Variants in KLHL12 observed in about 807,000 individuals in gnomAD.
KLHL12 encodes kelch-like protein 12.
A neutral mutation model predicts 60.8 loss-of-function variants in KLHL12; 17 were observed. The ratio of observed to expected loss-of-function variants is 0.28; its 90% CI spans 0.19 to 0.42. KLHL12 has a LOEUF of 0.42. Ranked by LOEUF, KLHL12 falls within the 10% of genes least tolerant of loss-of-function variation. KLHL12 has a pLI of 1.00. For synonymous variants in KLHL12, 220 were observed against 250.9 expected (o/e 0.88, Z 1.16); for missense variants, 468 against 722.3 (o/e 0.65, Z 4.04).
At chr1:202,908,257 G>C (rs1399401120) in intron 6 of KLHL12, among the ~76,000 whole-genome samples, 1 of 152,124 alleles carries the variant, frequency 6.6e-6, no homozygotes, top group Non-Finnish European at 1.5e-5. Context: ...TCTCATCTTA[G>C]TGGTAGACAT....
intron 4 of KLHL12, 23 bp from the exon 5 acceptor site, chr1:202,911,226 C>T (rs752775817): frequency 5.9e-5 from 95 of 1,611,262 alleles, no homozygotes; most frequent in Non-Finnish European, 7.2e-5. Context: ...AATTACACAC[C>T]GTGGATCCTA....
chr1:202,898,884 G>A lies in KLHL12; in HGVS notation c.833-1924C>T, dbSNP rs544726140. Among the ~76,000 whole-genome samples, 3 of 151,286 alleles carry A rather than the reference G, an allele frequency of 2.0e-5. No homozygotes were observed. In the Admixed American group the frequency reaches 2.0e-4, roughly 10 times the overall value. ...TATGGAAAAAAAATTACACAAACAC[G>A]TGAGAATAAGGAATTGTGTGATTTT... On this transcript the variant is annotated intron_variant, in intron 6 of 11. Coordinates refer to ENST00000367261, the MANE Select transcript of KLHL12 (RefSeq NM_021633.4).
At chr1:202,920,496 C>T (rs58279012) in intron 2 of KLHL12, among the ~76,000 whole-genome samples, 1,675 of 147,196 alleles carry the variant, frequency 0.011, 25 homozygotes, top group African/African-American at 0.039. Context: ...CCTGGCTCAG[C>T]CTCCCGAGTA....
intron 6 of KLHL12, among the ~76,000 whole-genome samples, chr1:202,898,453 A>C (rs931634775): frequency 6.6e-6 from 1 of 152,252 alleles, no homozygotes; most frequent in Non-Finnish European, 1.5e-5. Flanking sequence ...TTGCTGGGCT[A>C]GAATCATTAT....
chr1:202,905,044 G>A (rs1475461368), intron 6 of KLHL12, among the ~76,000 whole-genome samples: 2 of 152,138 alleles, frequency 1.3e-5, no homozygotes, highest in Admixed American at 1.3e-4. Context: ...AGGACATGAT[G>A]GTAAGAACAA....
chr1:202,918,847 T>C lies in KLHL12; in HGVS notation c.350-459A>G, dbSNP rs111266690. On this transcript the variant is annotated intron_variant, in intron 3 of 11. Transcript: ENST00000367261. ...AAAAGTTCAGAGTATTTTAATGTTA[T>C]GGCTATGCACTAATGCAAAAGCTTC... Among the ~76,000 whole-genome samples the C allele has an allele frequency of 4.7e-3, 722 of 152,378 alleles. 2 individuals carry two copies. The highest frequency in any genetic ancestry group is 0.034 in the Middle Eastern group (10 of 294).
chr1:202,893,026 T>C lies in KLHL12; in HGVS notation c.1580+213A>G, dbSNP rs1209927638. On this transcript the variant is annotated intron_variant, in intron 11 of 11. Transcript: ENST00000367261. The surrounding 1 kb of genome is among the most constrained non-coding windows in gnomAD (Gnocchi z 4.1). ...CTAGTCTGGCACAGTGGCGTGCACC[T>C]GTGGTCCCAGCTACTCTACTCAGAC... is the stretch of plus-strand genomic sequence containing the variant. Among the ~76,000 whole-genome samples the C allele has an allele frequency of 1.3e-5, 2 of 151,982 alleles. No individual in the cohort carries two copies. Among genetic ancestry groups the C allele is most frequent in the Non-Finnish European group, 2.9e-5 (2 of 68,008 alleles).
At chr1:202,927,874 C>T (rs1434260528), upstream of KLHL12, among the ~76,000 whole-genome samples, 1 of 151,252 alleles carries the variant, frequency 6.6e-6, no homozygotes, top group Non-Finnish European at 1.5e-5. Flanking sequence ...CCCAACTACT[C>T]AGGAGGCTAA....
rs891106434 is a variant in KLHL12, at chr1:202,912,009, G to A, written c.568-806C>T. 6.3e-6 allele frequency: 5 copies of A among 790,296 alleles called. No homozygotes were observed. In the African/African-American group the frequency reaches 8.4e-5, roughly 13 times the overall value. 49.0% of individuals were successfully genotyped at this position (790,296 alleles called of 1,614,324 possible). A position where few individuals can be genotyped will look rare whatever the true frequency, so the allele number is the denominator to read the frequency against. ...TTGGGTTTGTCACATATGCCATTGT[G>A]GAGGAGGTGGATGCAGCCATGAATG... On this transcript the variant is annotated intron_variant, in intron 4 of 11. Coordinates refer to ENST00000367261, the MANE Select transcript of KLHL12 (RefSeq NM_021633.4).
At chr1:202,898,993 C>T (rs1210378294) in intron 6 of KLHL12, among the ~76,000 whole-genome samples, 1 of 151,230 alleles carries the variant, frequency 6.6e-6, no homozygotes, top group East Asian at 1.9e-4. Context: ...GACACATAGG[C>T]ATGGAATAAT....
At chr1:202,916,257 C>T (rs545796021) in intron 4 of KLHL12, among the ~76,000 whole-genome samples, 1 of 152,346 alleles carries the variant, frequency 6.6e-6, no homozygotes, top group East Asian at 1.9e-4. Context: ...AAAATAATTC[C>T]TCTACAGTTG....
chr1:202,899,777 T>A (rs1334644905), intron 6 of KLHL12, among the ~76,000 whole-genome samples: 1 of 150,662 alleles, frequency 6.6e-6, no homozygotes, highest in East Asian at 2.0e-4. Context: ...GAGCCGAGAT[T>A]GCACCACTGC....
At chr1:202,925,437 C>T (rs1330869021) in intron 1 of KLHL12, among the ~76,000 whole-genome samples, 1 of 152,178 alleles carries the variant, frequency 6.6e-6, no homozygotes, top group Non-Finnish European at 1.5e-5. Flanking sequence ...GTCCCTACCA[C>T]TTGACATTTA....
At chr1:202,928,305 G>A (rs1685815638), upstream of KLHL12, among the ~76,000 whole-genome samples, 1 of 151,238 alleles carries the variant, frequency 6.6e-6, no homozygotes, top group Admixed American at 6.6e-5. Context: ...AGAAAAAAAA[G>A]AAAAAACAAA....
chr1:202,898,777 C>T (rs1025084201), intron 6 of KLHL12, among the ~76,000 whole-genome samples: 3 of 151,874 alleles, frequency 2.0e-5, no homozygotes, highest in Admixed American at 6.6e-5. Context: ...TGAAAAGAGA[C>T]ATGAAATCAC....
Position 202,918,258 on chromosome 1 carries a change from C to G in KLHL12, c.480G>C (p.Lys160Asn). 3 of 1,614,178 alleles carry G rather than the reference C, an allele frequency of 1.9e-6. No homozygotes were observed. Among genetic ancestry groups the G allele is most frequent in the Non-Finnish European group, 2.5e-6 (3 of 1,180,026 alleles). Residue 160 changes from lysine to asparagine, a missense_variant, in exon 4 of 12, where the codon AAG (lysine) becomes AAC (asparagine). Lys to Asn is a moderately conservative substitution (Grantham distance 94, BLOSUM62 0). This residue lies in a region of KLHL12 where 339 missense variants were observed against 525.0 expected (regional missense o/e 0.65). Coordinates refer to ENST00000367261, the MANE Select transcript of KLHL12 (RefSeq NM_021633.4). Reference protein sequence around the residue: ...LMQAAEVFSQKHFPEVVQHEE... With the variant: ...LMQAAEVFSQNHFPEVVQHEE... ...CATGCTGTACCACTTCAGGAAAATG[C>G]TTCTGGCTAAAAACCTCAGCTGCTT...
rs771481964 is a variant in KLHL12 at position 202,909,161 on chromosome 1, A to T, written c.718-37T>A. The T allele has an allele frequency of 6.5e-6, 8 of 1,239,164 alleles. No individual in the cohort carries two copies. In the African/African-American group the frequency reaches 8.9e-5, roughly 14 times the overall value. The allele number at this position is 1,239,164 out of a possible 1,614,324, so 76.8% of individuals were successfully genotyped here. On this transcript the variant is annotated intron_variant, in intron 5 of 11. Coordinates refer to ENST00000367261, the MANE Select transcript of KLHL12 (RefSeq NM_021633.4). This position sits in a 1 kb window ranked among gnomAD's most constrained non-coding sequence, Gnocchi z 4.1. ...CAGACAGCAGAGTTAGGCACTGGGG[A>T]TACCTGTAATACTATAAGAGTACAA...
intron 6 of KLHL12, among the ~76,000 whole-genome samples, chr1:202,897,444 G>A (rs571749639): frequency 2.0e-5 from 3 of 151,726 alleles, no homozygotes; most frequent in African/African-American, 7.2e-5. Flanking sequence ...GGCTGGTCCC[G>A]AACTCCCAAC....
At chr1:202,903,553 C>T (rs147604185) in intron 6 of KLHL12, among the ~76,000 whole-genome samples, 1 of 147,694 alleles carries the variant, frequency 6.8e-6, no homozygotes, top group East Asian at 2.0e-4. Context: ...TCAGCCTCGA[C>T]CTCCTGGGCT....
Sources: gnomAD v4.1 joint callset for allele counts (sites outside exome capture counted in the v4.1 genomes callset) on GRCh38, gnomAD v4.1.1 for gene constraint, gnomAD v4.1.1 regional missense constraint, Gnocchi (gnomAD v3.1) non-coding constraint, MANE v1.5 for transcripts, NCBI Gene and HGNC (gene_info 2026-07-23, HGNC 2026-07-21) for gene names.